Variants in KCNH7 observed in about 807,000 individuals in gnomAD.
KCNH7 encodes voltage-gated inwardly rectifying potassium channel KCNH7.
KCNH7 carries 49 observed loss-of-function variants against 120.8 expected under a neutral mutation model. The observed-to-expected ratio is 0.41, with a 90% CI of 0.32 to 0.51. KCNH7 has a LOEUF of 0.51. Among genes scored for constraint, KCNH7 ranks in the 20% least tolerant of loss-of-function variants. The pLI is 0.38. For synonymous variants in KCNH7, 547 were observed against 516.1 expected (o/e 1.06, Z -0.81); for missense variants, 1,097 against 1,446.6 (o/e 0.76, Z 3.92).
At chr2:162,384,566 A>G (rs370252565) in intron 13 of KCNH7, 122 bp downstream of exon 13, 2 of 994,284 alleles carry the variant, frequency 2.0e-6, no homozygotes, top group Non-Finnish European at 3.0e-6. Context: ...CGCTTCGCGA[A>G]CATTTCATGA....
chr2:162,572,934 T>A (rs1693538827), intron 2 of KCNH7, among the ~76,000 whole-genome samples: 1 of 152,008 alleles, frequency 6.6e-6, no homozygotes, highest in African/African-American at 2.4e-5. Context: ...CATTGGGAGA[T>A]ATACCTAATG....
chr2:162,500,621 C>T (rs1026298939), intron 6 of KCNH7, among the ~76,000 whole-genome samples: 3 of 151,934 alleles, frequency 2.0e-5, no homozygotes, highest in African/African-American at 7.2e-5. Context: ...TTGATGACTA[C>T]TCTATTGTTT....
intron 9 of KCNH7, among the ~76,000 whole-genome samples, chr2:162,414,694 C>T (rs1687489745): frequency 6.6e-6 from 1 of 151,862 alleles, no homozygotes; most frequent in African/African-American, 2.4e-5. Flanking sequence ...TGGAAGTTTA[C>T]ACACATAGGT....
At chr2:162,469,977 G>A (rs959984148) in intron 6 of KCNH7, among the ~76,000 whole-genome samples, 9 of 152,230 alleles carry the variant, frequency 5.9e-5, no homozygotes, top group Non-Finnish European at 1.3e-4. Flanking sequence ...CCGAGGTGCC[G>A]GGATTGCAGA....
chr2:162,596,351 C>A lies in KCNH7; in HGVS notation c.308-59271G>T, dbSNP rs781392376. On this transcript the variant is annotated intron_variant, in intron 2 of 15. Transcript: ENST00000332142. ...AAGCAGCATGGTATTGGCAAAACAACAGACAAATCAACTAATGGAATAAGA... is the reference window on the plus strand; with the variant it reads ...AAGCAGCATGGTATTGGCAAAACAAAAGACAAATCAACTAATGGAATAAGA... Among the ~76,000 whole-genome samples, 3 of 152,126 alleles carry A rather than the reference C, an allele frequency of 2.0e-5. No individual in the cohort carries two copies. In the Middle Eastern group the frequency reaches 0.01, roughly 517 times the overall value.
intron 2 of KCNH7, among the ~76,000 whole-genome samples, chr2:162,836,275 A>G (rs1685661127): frequency 6.6e-6 from 1 of 152,310 alleles, no homozygotes; most frequent in Middle Eastern, 3.4e-3. Flanking sequence ...AGGAGCATCT[A>G]AGACTGATTT....
intron 6 of KCNH7, among the ~76,000 whole-genome samples, chr2:162,475,291 C>A (rs971791483): frequency 6.6e-6 from 1 of 152,076 alleles, no homozygotes; most frequent in South Asian, 2.1e-4. Flanking sequence ...ACAGTAAAGC[C>A]CTAATAAATT....
chr2:162,677,597 T>C (rs1375400260), intron 2 of KCNH7, among the ~76,000 whole-genome samples: 1 of 151,566 alleles, frequency 6.6e-6, no homozygotes, highest in Admixed American at 6.6e-5. Flanking sequence ...TGAGCATATG[T>C]AGTTTCCAAT....
chr2:162,739,146 T>G (rs1420947573), intron 2 of KCNH7, among the ~76,000 whole-genome samples: 2 of 152,194 alleles, frequency 1.3e-5, no homozygotes, highest in African/African-American at 2.4e-5. Context: ...CCATATCTTA[T>G]AAATGAGCTT....
intron 2 of KCNH7, among the ~76,000 whole-genome samples, chr2:162,834,715 A>G (rs1685593418): frequency 6.6e-6 from 1 of 152,132 alleles, no homozygotes; most frequent in African/African-American, 2.4e-5. Flanking sequence ...GTGTTTTGAG[A>G]TCATTTTACA....
At chr2:162,524,798 A>G (rs575044355) in intron 3 of KCNH7, among the ~76,000 whole-genome samples, 95 of 152,096 alleles carry the variant, frequency 6.2e-4, no homozygotes, top group African/African-American at 2.1e-3. Flanking sequence ...GAAAATTTTC[A>G]TAGAGGGATC....
chr2:162,692,245 C>A (rs1173746925), intron 2 of KCNH7, among the ~76,000 whole-genome samples: 2 of 151,738 alleles, frequency 1.3e-5, no homozygotes, highest in African/African-American at 4.8e-5. Flanking sequence ...TGTGCCTCAG[C>A]CTCCCAAGTA....
chr2:162,601,496 T>C (rs1006462503), intron 2 of KCNH7, among the ~76,000 whole-genome samples: 1 of 148,016 alleles, frequency 6.8e-6, no homozygotes, highest in Non-Finnish European at 1.5e-5. Context: ...CCTTTAATGA[T>C]CTTGCCATTA....
chr2:162,666,019 T>C (rs1685121311), intron 2 of KCNH7, among the ~76,000 whole-genome samples: 1 of 152,194 alleles, frequency 6.6e-6, no homozygotes, highest in Non-Finnish European at 1.5e-5. Context: ...TTTATAATTA[T>C]ATTCTTTATT....
At chr2:162,807,684 T>C (rs1684598325) in intron 2 of KCNH7, among the ~76,000 whole-genome samples, 1 of 151,998 alleles carries the variant, frequency 6.6e-6, no homozygotes, top group Non-Finnish European at 1.5e-5. Flanking sequence ...TTTTGTTTTG[T>C]TTTGTTTTGT....
intron 6 of KCNH7, among the ~76,000 whole-genome samples, chr2:162,463,102 G>T (rs1228691940): frequency 7.9e-5 from 12 of 151,906 alleles, no homozygotes; most frequent in Admixed American, 4.6e-4. Context: ...CTAACCACAG[G>T]AATCTACTCA....
chr2:162,703,861 T>G (rs986233982), intron 2 of KCNH7, among the ~76,000 whole-genome samples: 13 of 152,216 alleles, frequency 8.5e-5, no homozygotes, highest in Admixed American at 2.0e-4. Context: ...ACACAATATA[T>G]GATCTCAACA....
At chr2:162,446,790 G>A (rs985128439) in intron 6 of KCNH7, among the ~76,000 whole-genome samples, 1 of 152,156 alleles carries the variant, frequency 6.6e-6, no homozygotes, top group Admixed American at 6.6e-5. Flanking sequence ...CACAAAGTTG[G>A]TTTTGATATA....
intron 2 of KCNH7, among the ~76,000 whole-genome samples, chr2:162,766,864 T>TACAC (rs200638624): frequency 0.066 from 9,382 of 141,528 alleles, 330 homozygotes; most frequent in Non-Finnish European, 0.09. Context: ...CTAAGCACAT[T>TACAC]ACACACACAC....
Sources: allele counts gnomAD v4.1 joint callset (sites outside exome capture counted in the v4.1 genomes callset), GRCh38; gene constraint gnomAD v4.1.1; transcripts MANE v1.5; gene names NCBI Gene and HGNC (gene_info 2026-07-23, HGNC 2026-07-21).